VWA3B: variants seen among roughly 807,000 people sequenced by gnomAD.
VWA3B encodes von Willebrand factor A domain-containing protein 3B.
VWA3B carries 138 observed loss-of-function variants against 158.3 expected under a neutral mutation model. The observed-to-expected ratio is 0.87, with a 90% CI of 0.76 to 1.00. The LOEUF (loss-of-function observed/expected upper bound fraction) is 1.00, where lower values mean the gene tolerates loss of function less well. Ranked by LOEUF, VWA3B falls within the 50% of genes least tolerant of loss-of-function variation. The probability of loss-of-function intolerance (pLI) is 0.00; values close to 1 mark genes in which losing one functional copy is unlikely to be tolerated. For synonymous variants in VWA3B, 596 were observed against 587.3 expected, an observed-to-expected ratio of 1.01 and a Z score of -0.21; for missense variants, 1,555 against 1,565.1, an observed-to-expected ratio of 0.99 and a Z score of 0.11.
At chr2:98,108,782 A>T (rs1375647858) in intron 2 of VWA3B, among the ~76,000 whole-genome samples, 5 of 151,816 alleles carry the variant, frequency 3.3e-5, no homozygotes, top group South Asian at 2.1e-4. Flanking sequence ...GAGTCTTTTT[A>T]AAAAAATCCT....
chr2:98,270,724 A>C lies in VWA3B; in HGVS notation c.2886A>C (p.Thr962=), dbSNP rs1224261624. The stretch of plus-strand genomic sequence containing the variant: ...CAATACAGTACTTGGAAAACAAAAC[A>C]GTTTTAAACCAGGCTTTAGAACGGT... The part of the protein sequence containing the change: ...NKPIQYLENK[T]VLNQALERLN... The change falls in exon 22 of 28, where the codon ACA becomes ACC. Residue 962 remains threonine, a synonymous_variant. Coordinates refer to ENST00000477737, the MANE Select transcript of VWA3B (RefSeq NM_144992.5). The C allele has an allele frequency of 6.2e-7, 1 of 1,614,164 alleles. No individual in the cohort carries two copies. The highest frequency in any genetic ancestry group is 1.7e-5 in the Admixed American group (1 of 60,034).
downstream of VWA3B, among the ~76,000 whole-genome samples, chr2:98,316,301 A>G (rs1691084340): frequency 6.6e-6 from 1 of 152,196 alleles, no homozygotes. Flanking sequence ...TGAGGTTACA[A>G]ATAAGTTTTA....
At chr2:98,197,099 G>A (rs899149977) in intron 12 of VWA3B, among the ~76,000 whole-genome samples, 1 of 152,288 alleles carries the variant, frequency 6.6e-6, no homozygotes, top group South Asian at 2.1e-4. Flanking sequence ...TGCCTCCTTA[G>A]TCTCTTCCAA....
At chr2:98,265,626 T>C (rs1687766627) in intron 21 of VWA3B, among the ~76,000 whole-genome samples, 1 of 148,242 alleles carries the variant, frequency 6.7e-6, no homozygotes, top group Non-Finnish European at 1.5e-5. Flanking sequence ...CACACTGACT[T>C]CCACAATGGT....
At chr2:98,228,964 A>G (rs1402971059) in intron 15 of VWA3B, 1 of 152,232 alleles carries the variant, frequency 6.6e-6, no homozygotes, top group Non-Finnish European at 1.5e-5. Context: ...ATTTCAAAGA[A>G]TGATAGAAAA....
chr2:98,214,497 C>G lies in VWA3B; in HGVS notation c.1836+2469C>G, dbSNP rs140062794. On this transcript the variant is annotated intron_variant, in intron 13 of 27. Transcript: ENST00000477737. ...GGTAGAGAAAATTCTCCCTCTCACCCCTTTCACCAGCTAGGAGGCAACTGA... is the reference window on the plus strand; with the variant it reads ...GGTAGAGAAAATTCTCCCTCTCACCGCTTTCACCAGCTAGGAGGCAACTGA... Among the ~76,000 whole-genome samples, 489 of 152,212 alleles carry G rather than the reference C, an allele frequency of 3.2e-3. 2 individuals carry two copies. Among genetic ancestry groups the G allele is most frequent in the African/African-American group, 0.011 (465 of 41,524 alleles).
At chr2:98,295,838 A>G (rs1240743634) in intron 23 of VWA3B, among the ~76,000 whole-genome samples, 1 of 152,234 alleles carries the variant, frequency 6.6e-6, no homozygotes, top group Non-Finnish European at 1.5e-5. Context: ...AGGAGCAGGT[A>G]CAGAGGCTTA....
chr2:98,208,503 C>T (rs62154940), intron 12 of VWA3B, among the ~76,000 whole-genome samples: 7,182 of 152,062 alleles, frequency 0.047, 255 homozygotes, highest in Middle Eastern at 0.082. Flanking sequence ...GATTTATTTA[C>T]ACTGTTTTTG....
intron 20 of VWA3B, among the ~76,000 whole-genome samples, chr2:98,252,127 T>C (rs1003481235): frequency 2.0e-5 from 3 of 151,972 alleles, no homozygotes; most frequent in African/African-American, 7.3e-5. Context: ...TCTCGGGAGC[T>C]CCTCTCAGCG....
intron 7 of VWA3B, among the ~76,000 whole-genome samples, chr2:98,151,746 A>G (rs1677652732): frequency 6.6e-6 from 1 of 152,254 alleles, no homozygotes; most frequent in African/African-American, 2.4e-5. Flanking sequence ...ATGTTTCCTC[A>G]TTTATAAAAA....
intron 8 of VWA3B, among the ~76,000 whole-genome samples, chr2:98,179,792 TTC>T (rs1558641101): frequency 5.5e-5 from 3 of 54,990 alleles, no homozygotes; most frequent in East Asian, 1.4e-3. Flanking sequence ...TTTCTTTTCT[TTC>T]TTTCTTTCTT....
At chr2:98,185,178 T>C (rs1340616044) in intron 9 of VWA3B, among the ~76,000 whole-genome samples, 2 of 152,222 alleles carry the variant, frequency 1.3e-5, no homozygotes, top group African/African-American at 4.8e-5. Context: ...AGCCCCCCTG[T>C]CTGACCAAGT....
At chr2:98,164,587 C>T (rs952496558) in intron 8 of VWA3B, among the ~76,000 whole-genome samples, 3 of 152,216 alleles carry the variant, frequency 2.0e-5, no homozygotes, top group South Asian at 2.1e-4. Context: ...AGCTAGCAAA[C>T]GTAGTCTGAT....
At chr2:98,140,171 C>T (rs1559567299) in intron 7 of VWA3B, among the ~76,000 whole-genome samples, 1 of 152,232 alleles carries the variant, frequency 6.6e-6, no homozygotes. Flanking sequence ...ACCTTAAGAG[C>T]TGTAACACGC....
chr2:98,323,923 T>A, the VWA3B span, among the ~76,000 whole-genome samples: 5 of 152,348 alleles, frequency 3.3e-5, no homozygotes, highest in East Asian at 9.6e-4. Flanking sequence ...CAGATTCTGA[T>A]GTGGTGAGCA....
chr2:98,298,078 G>A (rs1399341875), intron 24 of VWA3B, 47 bp downstream of exon 24: 1 of 1,402,360 alleles, frequency 7.1e-7, no homozygotes, highest in Non-Finnish European at 9.3e-7. Flanking sequence ...ACCATCCACA[G>A]AGTTTTGAAT....
chr2:98,103,413 A>C (rs944874302), intron 2 of VWA3B, among the ~76,000 whole-genome samples: 22 of 152,150 alleles, frequency 1.4e-4, no homozygotes, highest in Non-Finnish European at 2.9e-4. Context: ...TTTCTAATAT[A>C]ATCATTTAAA....
chr2:98,268,819 C>T (rs1011245950), intron 21 of VWA3B, among the ~76,000 whole-genome samples: 1 of 152,094 alleles, frequency 6.6e-6, no homozygotes, highest in African/African-American at 2.4e-5. Context: ...TCATAATTTG[C>T]TATACTACCA....
intron 5 of VWA3B, among the ~76,000 whole-genome samples, chr2:98,122,378 C>T (rs1297700588): frequency 1.3e-5 from 2 of 152,230 alleles, no homozygotes; most frequent in East Asian, 3.8e-4. Context: ...GAGAAAGAAG[C>T]CACGTGTTGG....
Sources: gnomAD v4.1 joint callset for allele counts (sites outside exome capture counted in the v4.1 genomes callset) on GRCh38, gnomAD v4.1.1 for gene constraint, MANE v1.5 for transcripts, NCBI Gene and HGNC (gene_info 2026-07-23, HGNC 2026-07-21) for gene names.